Variants in TRIM17 observed in about 807,000 individuals in gnomAD.
TRIM17 encodes tripartite motif containing 17, also known as E3 ubiquitin-protein ligase TRIM17.
A neutral mutation model predicts 35.8 loss-of-function variants in TRIM17; 27 were observed. The ratio of observed to expected loss-of-function variants is 0.75; its 90% CI spans 0.56 to 1.04. TRIM17 has a LOEUF of 1.04. Among genes scored for constraint, TRIM17 ranks in the 50% least tolerant of loss-of-function variants. TRIM17 has a pLI of 0.00. For synonymous variants in TRIM17, 246 were observed against 252.6 expected (o/e 0.97, Z 0.25); for missense variants, 582 against 612.8 (o/e 0.95, Z 0.53).
intron 6 of TRIM17, 155 bp downstream of exon 6, chr1:228,409,017 G>A (rs566646091): frequency 3.0e-5 from 48 of 1,587,026 alleles, no homozygotes; most frequent in Middle Eastern, 3.3e-4. Flanking sequence ...CACCAGTAAC[G>A]CCGCCCTACG....
chr1:228,410,184 C>A lies in TRIM17; in HGVS notation c.756+762G>T, dbSNP rs528020395. ...CGCAATAGCTCACTACAGCCTTGAA[C>A]TCACGGGCTCAAGCAGTCTTCCTGC... On this transcript the variant is annotated intron_variant, in intron 4 of 6. Coordinates refer to ENST00000366698, the MANE Select transcript of TRIM17 (RefSeq NM_016102.4). This position sits in a 1 kb window ranked among gnomAD's most constrained non-coding sequence, Gnocchi z 4.6. Among the ~76,000 whole-genome samples the A allele has an allele frequency of 2.6e-5, 4 of 151,896 alleles. No homozygotes were observed. Among genetic ancestry groups the A allele is most frequent in the Admixed American group, 2.0e-4 (3 of 15,260 alleles).
In TRIM17 at chr1:228,415,263, CA is replaced by C. The variant is rs1657038601; in HGVS notation, c.-41-151del. 3 of 628,370 alleles carry C rather than the reference CA, an allele frequency of 4.8e-6. No individual in the cohort carries two copies. The Admixed American group carries it at 9.1e-5, about 19-fold the overall frequency. The allele number at this position is 628,370 out of a possible 1,614,324, so 38.9% of individuals were successfully genotyped here. A position where few individuals can be genotyped will look rare whatever the true frequency, so the allele number is the denominator to read the frequency against. On this transcript the variant is annotated intron_variant, in intron 1 of 6. Coordinates refer to ENST00000366698, the MANE Select transcript of TRIM17 (RefSeq NM_016102.4). Reference sequence around the variant, plus strand: ...TTTTTAGCCTTGTCAACAACAGACACAGATGCCTCCCCAGAAACTACACAGA... The same window carrying C: ...TTTTTAGCCTTGTCAACAACAGACACGATGCCTCCCCAGAAACTACACAGA...
chr1:228,408,189 C>T lies in TRIM17; in HGVS notation c.*12G>A, dbSNP rs534055195. 501 of 1,514,548 alleles carry T rather than the reference C, an allele frequency of 3.3e-4. 6 individuals carry two copies. The South Asian group carries it at 6.2e-3, about 19-fold the overall frequency. The allele number at this position is 1,514,548 out of a possible 1,614,324, so 93.8% of individuals were successfully genotyped here. On this transcript the variant is annotated 3_prime_UTR_variant, in exon 7 of 7. Coordinates refer to ENST00000366698, the MANE Select transcript of TRIM17 (RefSeq NM_016102.4). The surrounding 1 kb of genome is among the most constrained non-coding windows in gnomAD (Gnocchi z 6.3). ...AGAGCCAGGAGCAGTGCCCGAGTCCCCCGGTCTGTGTCTATCCTTTCACCC... is the reference window on the plus strand; with the variant it reads ...AGAGCCAGGAGCAGTGCCCGAGTCCTCCGGTCTGTGTCTATCCTTTCACCC...
chr1:228,408,935 G>A lies in TRIM17; in HGVS notation c.884-184C>T. 1 of 1,489,304 alleles carries A rather than the reference G, an allele frequency of 6.7e-7. No homozygotes were observed. Among genetic ancestry groups the A allele is most frequent in the South Asian group, 1.4e-5 (1 of 73,430 alleles). 92.3% of individuals were successfully genotyped at this position (1,489,304 alleles called of 1,614,324 possible). On this transcript the variant is annotated intron_variant, in intron 6 of 6. Transcript: ENST00000366698. This position sits in a 1 kb window ranked among gnomAD's most constrained non-coding sequence, Gnocchi z 6.3. ...ACACCAATTGTGTGTGGGCCTTGGT[G>A]GCAATAAGGTACAGGGGGCTGGGCA...
intron 3 of TRIM17, among the ~76,000 whole-genome samples, chr1:228,412,197 A>C (rs1448000294): frequency 6.6e-6 from 1 of 152,082 alleles, no homozygotes; most frequent in African/African-American, 2.4e-5. Context: ...ACCAGTTGAG[A>C]CCATCTGCCC....
At chr1:228,412,471 T>C (rs554773882) in intron 3 of TRIM17, among the ~76,000 whole-genome samples, 1 of 152,086 alleles carries the variant, frequency 6.6e-6, no homozygotes, top group African/African-American at 2.4e-5. Context: ...AAATAAATCT[T>C]TTCTCTTAGC....
At chr1:228,412,719 ATGATTGCATCACTG>A (rs1656849638) in intron 3 of TRIM17, among the ~76,000 whole-genome samples, 1 of 151,084 alleles carries the variant, frequency 6.6e-6, no homozygotes. Context: ...GCAGTGAGCT[ATGATTGCATCACTG>A]TGCTCCAGCC....
At chr1:228,412,780 A>G (rs1656855591) in intron 3 of TRIM17, among the ~76,000 whole-genome samples, 1 of 152,066 alleles carries the variant, frequency 6.6e-6, no homozygotes, top group Admixed American at 6.6e-5. Flanking sequence ...GAAAAAAACA[A>G]AAAATAACAA....
In TRIM17 at chr1:228,408,459, C is replaced by A; in HGVS notation, c.1176G>T (p.Gln392His). The A allele has an allele frequency of 6.2e-7, 1 of 1,614,202 alleles. No homozygotes were observed. The highest frequency in any genetic ancestry group is 8.5e-7 in the Non-Finnish European group (1 of 1,180,034). The change falls in exon 7 of 7, where the codon CAG (glutamine) becomes CAT (histidine). Residue 392 changes from glutamine (Q) to histidine (H), a missense_variant. Transcript: ENST00000366698. The surrounding 1 kb of genome is among the most constrained non-coding windows in gnomAD (Gnocchi z 6.3). ...KCPENGFWVV[Q>H]LSKGTKYLST... ...ATAAGTACTTGGTCCCCTTGGACAG[C>A]TGCACCACCCAGAAGCCGTTTTCGG...
Position 228,411,443 on chromosome 1 carries a change from A to T in TRIM17, c.526-267T>A, listed in dbSNP as rs571033341. On this transcript the variant is annotated intron_variant, in intron 3 of 6. Coordinates refer to ENST00000366698, the MANE Select transcript of TRIM17 (RefSeq NM_016102.4). The surrounding 1 kb of genome is among the most constrained non-coding windows in gnomAD (Gnocchi z 4.2). ...GGTTCAGAATGTCCACCCCCAGATAAGCCTCTTGGGCATGTTAAACAAAAT... is the reference window on the plus strand; with the variant it reads ...GGTTCAGAATGTCCACCCCCAGATATGCCTCTTGGGCATGTTAAACAAAAT... Among the ~76,000 whole-genome samples, 46 of 152,316 alleles carry T rather than the reference A, an allele frequency of 3.0e-4. No homozygotes were observed. The highest frequency in any genetic ancestry group is 1.1e-3 in the African/African-American group (44 of 41,572).
intron 2 of TRIM17, among the ~76,000 whole-genome samples, chr1:228,414,350 CTTTGCTTCTGCTTATCTGTCTCAAATCAG>C (rs1028729882): frequency 6.6e-6 from 1 of 152,240 alleles, no homozygotes; most frequent in African/African-American, 2.4e-5. Flanking sequence ...AATTTCAGTG[CTTTGCTTCTGCTTATCTGTCTCAAATCAG>C]TTTGGTTCTC....
At chr1:228,415,473 G>A (rs1257851028) in intron 1 of TRIM17, 2 of 182,090 alleles carry the variant, frequency 1.1e-5, no homozygotes, top group African/African-American at 4.7e-5. Context: ...TGCTAGGTCA[G>A]CTTAGGGAGA....
In TRIM17 at chr1:228,411,289, T is replaced by C. The variant is rs912867749; in HGVS notation, c.526-113A>G. On this transcript the variant is annotated intron_variant, in intron 3 of 6. Transcript: ENST00000366698. The surrounding 1 kb of genome is among the most constrained non-coding windows in gnomAD (Gnocchi z 4.2). ...ACAAGATCACCAGCAACTGGAGCTT[T>C]AGTTGGGGACCAGGAACTGTGACAG... 1.2e-6 allele frequency: 1 copy of C among 833,478 alleles called. No individual in the cohort carries two copies. Among genetic ancestry groups the C allele is most frequent in the Admixed American group, 2.6e-5 (1 of 38,998 alleles). The allele number at this position is 833,478 out of a possible 1,614,324, so 51.6% of individuals were successfully genotyped here. A position where few individuals can be genotyped will look rare whatever the true frequency, so the allele number is the denominator to read the frequency against.
chr1:228,408,340 T>C lies in TRIM17; in HGVS notation c.1295A>G (p.Tyr432Cys). Reference sequence around the variant, plus strand: ...CAGGTGGGACCCATCGCTTACACTGTAGAAGGACACTTCCCCGGCTTCGAA... The same window carrying C: ...CAGGTGGGACCCATCGCTTACACTGCAGAAGGACACTTCCCCGGCTTCGAA... ...LDFEAGEVSF[Y>C]SVSDGSHLHT... Residue 432 changes from tyrosine to cysteine, a missense_variant, in exon 7 of 7, where the codon TAC becomes TGC. Coordinates refer to ENST00000366698, the MANE Select transcript of TRIM17 (RefSeq NM_016102.4). This position sits in a 1 kb window ranked among gnomAD's most constrained non-coding sequence, Gnocchi z 6.3. 4 of 1,614,006 alleles carry C rather than the reference T, an allele frequency of 2.5e-6. No homozygotes were observed. The highest frequency in any genetic ancestry group is 3.4e-6 in the Non-Finnish European group (4 of 1,179,952).
Position 228,410,240 on chromosome 1 carries a change from G to A in TRIM17, c.756+706C>T, listed in dbSNP as rs1018109702. On this transcript the variant is annotated intron_variant, in intron 4 of 6. Transcript: ENST00000366698. The surrounding 1 kb of genome is among the most constrained non-coding windows in gnomAD (Gnocchi z 4.6). ...CCTCCTGAGTCCTGGGACCACAGGC[G>A]CACGCCACCATGCCCTGCTAATATT... is the stretch of plus-strand genomic sequence containing the variant. Among the ~76,000 whole-genome samples, 11 of 151,646 alleles carry A rather than the reference G, an allele frequency of 7.3e-5. No individual in the cohort carries two copies. The highest frequency in any genetic ancestry group is 1.6e-4 in the Non-Finnish European group (11 of 67,866).
Position 228,408,772 on chromosome 1 carries a change from G to A in TRIM17, c.884-21C>T. On this transcript the variant is annotated intron_variant, in intron 6 of 6. Transcript: ENST00000366698. This position sits in a 1 kb window ranked among gnomAD's most constrained non-coding sequence, Gnocchi z 6.3. ...ATCCTCTGTAGATGGGCGTGGTGGTGGAGAGATGGGGAGAGGTGTGGGGCA... is the reference window on the plus strand; with the variant it reads ...ATCCTCTGTAGATGGGCGTGGTGGTAGAGAGATGGGGAGAGGTGTGGGGCA... 6.3e-6 allele frequency: 10 copies of A among 1,586,806 alleles called. No homozygotes were observed. Among genetic ancestry groups the A allele is most frequent in the Non-Finnish European group, 7.7e-6 (9 of 1,172,482 alleles).
Position 228,416,445 on chromosome 1 carries a change from G to A in TRIM17, c.-42+94C>T, listed in dbSNP as rs540247261. The A allele has an allele frequency of 1.3e-5, 13 of 986,776 alleles. No individual in the cohort carries two copies. The African/African-American group carries it at 2.1e-4, about 16-fold the overall frequency. The allele number at this position is 986,776 out of a possible 1,614,324, so 61.1% of individuals were successfully genotyped here. On this transcript the variant is annotated intron_variant, in intron 1 of 6. Coordinates refer to ENST00000366698, the MANE Select transcript of TRIM17 (RefSeq NM_016102.4). The stretch of plus-strand genomic sequence containing the variant: ...GGCGGCCGGCGGAGGCGGGAAGGCC[G>A]GGCGTTGGAGGGCGAGGAGGACCGG...
rs192419653 is a variant in TRIM17, at chr1:228,411,451, G to C, written c.526-275C>G. On this transcript the variant is annotated intron_variant, in intron 3 of 6. Coordinates refer to ENST00000366698, the MANE Select transcript of TRIM17 (RefSeq NM_016102.4). The surrounding 1 kb of genome is among the most constrained non-coding windows in gnomAD (Gnocchi z 4.2). ...ATGTCCACCCCCAGATAAGCCTCTTGGGCATGTTAAACAAAATTTATGGGT... is the reference window on the plus strand; with the variant it reads ...ATGTCCACCCCCAGATAAGCCTCTTCGGCATGTTAAACAAAATTTATGGGT... Among the ~76,000 whole-genome samples the C allele has an allele frequency of 6.6e-6, 1 of 152,306 alleles. No individual in the cohort carries two copies. The highest frequency in any genetic ancestry group is 2.4e-5 in the African/African-American group (1 of 41,580).
Position 228,409,406 on chromosome 1 carries a change from C to A in TRIM17, c.762G>T (p.Met254Ile). Reference protein sequence around the residue: ...TQGPLQMLQDMKEPLSRKNNV... With the variant: ...TQGPLQMLQDIKEPLSRKNNV... The stretch of plus-strand genomic sequence containing the variant: ...CCACATACCTGCTCAGGGGTTCCTT[C>A]ATGTCCTGCAAAAGACAGGGACGGA... The change falls in exon 5 of 7, where the codon ATG (methionine) becomes ATT (isoleucine). Residue 254 changes from methionine (M) to isoleucine (I), a missense_variant. Coordinates refer to ENST00000366698, the MANE Select transcript of TRIM17 (RefSeq NM_016102.4). The A allele has an allele frequency of 6.5e-7, 1 of 1,545,646 alleles. No individual in the cohort carries two copies.
Sources: allele counts gnomAD v4.1 joint callset (sites outside exome capture counted in the v4.1 genomes callset), GRCh38; gene constraint gnomAD v4.1.1; non-coding constraint Gnocchi (gnomAD v3.1); transcripts MANE v1.5; gene names NCBI Gene and HGNC (gene_info 2026-07-23, HGNC 2026-07-21).